MPC1: variants seen among roughly 807,000 people sequenced by gnomAD.
The protein encoded by MPC1 is mitochondrial pyruvate carrier 1, also known as HSPC040 protein.
Under a neutral mutation model 13.9 loss-of-function variants are expected in MPC1, and 6 were observed. That is an observed-to-expected ratio of 0.43 (90% CI 0.24 to 0.85). MPC1 has a LOEUF of 0.85. Ranked by LOEUF, MPC1 falls within the 40% of genes least tolerant of loss-of-function variation. The probability of loss-of-function intolerance (pLI) is 0.24; values close to 1 mark genes in which losing one functional copy is unlikely to be tolerated. For missense variants in MPC1, 115 were observed against 143.3 expected (o/e 0.80, Z 1.01); for synonymous variants, 47 against 50.5 (o/e 0.93, Z 0.29).
At chr6:166,369,090 G>A (rs1183050751) in intron 2 of MPC1, 1 of 321,890 alleles carries the variant, frequency 3.1e-6, no homozygotes, top group East Asian at 1.7e-4. Context: ...GGAGATTCCT[G>A]GCTAAGTGAT....
At chr6:166,382,515 C>G (rs1287911388) in intron 1 of MPC1, among the ~76,000 whole-genome samples, 1 of 148,154 alleles carries the variant, frequency 6.7e-6, no homozygotes, top group Non-Finnish European at 1.5e-5. Flanking sequence ...TGTCACCCTG[C>G]CGGGAGAGGA....
rs9459658 is a variant in MPC1, at chr6:166,379,243, C to T, written c.71+3563G>A. Among the ~76,000 whole-genome samples the T allele has an allele frequency of 9.7e-3, 1,470 of 152,214 alleles. 20 individuals carry two copies. Among genetic ancestry groups the T allele is most frequent in the African/African-American group, 0.034 (1,399 of 41,540 alleles). The stretch of plus-strand genomic sequence containing the variant: ...GCACAGTGGTTCATGCCTATAATCC[C>T]AGAGCTTTGGGAGGCCAAGATGGGA... On this transcript the variant is annotated intron_variant, in intron 1 of 4. Coordinates refer to ENST00000360961, the MANE Select transcript of MPC1 (RefSeq NM_016098.4).
In MPC1 at chr6:166,382,919, G is replaced by A. The variant is rs1017258000; in HGVS notation, c.-43C>T. ...ACCCCGAGTGGTCCCTGCCTCTGCT[G>A]CCGCTTCCCAGAGCCAATGACACCC... On this transcript the variant is annotated 5_prime_UTR_variant, in exon 1 of 5. Transcript: ENST00000360961. 1.3e-6 allele frequency: 2 copies of A among 1,566,172 alleles called. No individual in the cohort carries two copies. The highest frequency in any genetic ancestry group is 1.2e-5 in the South Asian group (1 of 85,818).
chr6:166,376,323 A>G (rs910450488), intron 1 of MPC1, among the ~76,000 whole-genome samples: 1 of 152,242 alleles, frequency 6.6e-6, no homozygotes, highest in African/African-American at 2.4e-5. Flanking sequence ...GGTGTAACTC[A>G]GTCCGAGGCT....
At chr6:166,369,893 C>T in intron 2 of MPC1, 2 of 456,732 alleles carry the variant, frequency 4.4e-6, no homozygotes, top group Admixed American at 3.5e-5. Context: ...AAAAATCATC[C>T]CACCCTTCTT....
At chr6:166,382,054 G>A (rs1418667920) in intron 1 of MPC1, among the ~76,000 whole-genome samples, 1 of 152,246 alleles carries the variant, frequency 6.6e-6, no homozygotes, top group Non-Finnish European at 1.5e-5. Flanking sequence ...ACGGCCGCAG[G>A]TGACCGGCGA....
Position 166,366,348 on chromosome 6 carries a change from G to C in MPC1, c.173-242C>G, listed in dbSNP as rs546777710. Among the ~76,000 whole-genome samples, 3 of 152,324 alleles carry C rather than the reference G, an allele frequency of 2.0e-5. No homozygotes were observed. The East Asian group carries it at 5.8e-4, about 29-fold the overall frequency. Reference sequence around the variant, plus strand: ...ATTTAAGGAACATATTTCCGAGCAAGAGTAGGCTGAAATTTGTTCTAGACA... The same window carrying C: ...ATTTAAGGAACATATTTCCGAGCAACAGTAGGCTGAAATTTGTTCTAGACA... On this transcript the variant is annotated intron_variant, in intron 3 of 4. Transcript: ENST00000360961.
At chr6:166,378,266 A>T (rs1779640484) in intron 1 of MPC1, among the ~76,000 whole-genome samples, 1 of 152,252 alleles carries the variant, frequency 6.6e-6, no homozygotes, top group African/African-American at 2.4e-5. Flanking sequence ...AGTTAAAATT[A>T]ATTTAGAATA....
intron 1 of MPC1, among the ~76,000 whole-genome samples, chr6:166,375,046 A>T (rs988026878): frequency 6.6e-6 from 1 of 152,320 alleles, no homozygotes. Context: ...TCTCTTTGGC[A>T]TATTCAAAGT....
rs3728 is a variant in MPC1, at chr6:166,365,191, T to G, written c.*238A>C. 0.42 allele frequency: 156,367 copies of G among 374,584 alleles called. 35,429 individuals carry two copies. Among genetic ancestry groups the G allele is most frequent in the South Asian group, 0.69 (6,281 of 9,162 alleles). 23.2% of individuals were successfully genotyped at this position (374,584 alleles called of 1,614,324 possible). On this transcript the variant is annotated 3_prime_UTR_variant, in exon 5 of 5. Coordinates refer to ENST00000360961, the MANE Select transcript of MPC1 (RefSeq NM_016098.4). This position sits in a 1 kb window ranked among gnomAD's most constrained non-coding sequence, Gnocchi z 4.2. ...CTGCAGATAAAACCATCATCAGAAA[T>G]TATTAAATTAATTGCATATTTTGAG... is the stretch of plus-strand genomic sequence containing the variant.
intron 1 of MPC1, among the ~76,000 whole-genome samples, chr6:166,378,418 A>ATG (rs3049292): frequency 0.39 from 58,085 of 149,718 alleles, 11,617 homozygotes; most frequent in South Asian, 0.63. Flanking sequence ...ATACAAATAC[A>ATG]TGTGTGTGTG....
intron 1 of MPC1, among the ~76,000 whole-genome samples, chr6:166,377,098 C>T (rs1234415398): frequency 6.6e-6 from 1 of 151,388 alleles, no homozygotes; most frequent in Non-Finnish European, 1.5e-5. Context: ...ATTCCATTTT[C>T]CCTCCTTTCC....
chr6:166,380,280 G>T (rs941753078), intron 1 of MPC1, among the ~76,000 whole-genome samples: 4 of 152,188 alleles, frequency 2.6e-5, no homozygotes, highest in African/African-American at 9.7e-5. Flanking sequence ...CCCAAAAAGA[G>T]CATTATCATT....
intron 1 of MPC1, among the ~76,000 whole-genome samples, chr6:166,370,804 C>T (rs1031514739): frequency 6.6e-6 from 1 of 151,806 alleles, no homozygotes; most frequent in African/African-American, 2.4e-5. Context: ...GTACTCCAGC[C>T]TGGGCAACAG....
intron 1 of MPC1, among the ~76,000 whole-genome samples, chr6:166,374,118 C>T (rs1345249731): frequency 2.0e-5 from 3 of 152,038 alleles, no homozygotes; most frequent in Admixed American, 2.0e-4. Context: ...TCCCAAGTAG[C>T]TGGGATTATA....
intron 1 of MPC1, among the ~76,000 whole-genome samples, chr6:166,378,418 ATGTGTGTG>A (rs3049292): frequency 2.0e-5 from 3 of 149,866 alleles, no homozygotes; most frequent in African/African-American, 7.4e-5. Context: ...ATACAAATAC[ATGTGTGTG>A]TGTGTGTGTG....
intron 1 of MPC1, among the ~76,000 whole-genome samples, chr6:166,373,605 G>A (rs1158641965): frequency 2.0e-5 from 3 of 152,178 alleles, no homozygotes; most frequent in Admixed American, 6.5e-5. Context: ...ACAGGTTTTC[G>A]TGTGGATCTA....
intron 1 of MPC1, among the ~76,000 whole-genome samples, chr6:166,378,283 C>T (rs1371167783): frequency 6.6e-6 from 1 of 152,184 alleles, no homozygotes; most frequent in Non-Finnish European, 1.5e-5. Flanking sequence ...AATACCTGAT[C>T]AACTTGAGAA....
At chr6:166,368,456 G>A (rs1779248501) in intron 2 of MPC1, among the ~76,000 whole-genome samples, 1 of 151,284 alleles carries the variant, frequency 6.6e-6, no homozygotes, top group South Asian at 2.1e-4. Context: ...TTGGGAGGCT[G>A]AGGCAGAGAA....
Sources: allele counts gnomAD v4.1 joint callset (sites outside exome capture counted in the v4.1 genomes callset), GRCh38; gene constraint gnomAD v4.1.1; non-coding constraint Gnocchi (gnomAD v3.1); transcripts MANE v1.5; gene names NCBI Gene and HGNC (gene_info 2026-07-23, HGNC 2026-07-21).